Variants in ENOX1 observed in about 807,000 individuals in gnomAD.
The protein encoded by ENOX1 is candidate growth-related and time keeping constitutive hydroquinone (NADH) oxidase.
A neutral mutation model predicts 82.5 loss-of-function variants in ENOX1; 42 were observed. The observed-to-expected ratio is 0.51, with a 90% CI of 0.40 to 0.66. The LOEUF is 0.66. ENOX1 is among the 30% of genes least tolerant of loss of function. ENOX1 has a pLI of 0.00. For missense variants in ENOX1, 608 were observed against 811.6 expected (o/e 0.75, Z 3.05); for synonymous variants, 271 against 282.2 (o/e 0.96, Z 0.40).
intron 2 of ENOX1, among the ~76,000 whole-genome samples, chr13:43,662,466 T>A (rs2084782551): frequency 6.6e-6 from 1 of 152,216 alleles, no homozygotes; most frequent in East Asian, 1.9e-4. Flanking sequence ...GCTTTCTAAG[T>A]ATCTTCTTCC....
At chr13:43,474,766 G>A (rs920307660) in intron 3 of ENOX1, among the ~76,000 whole-genome samples, 8 of 151,936 alleles carry the variant, frequency 5.3e-5, no homozygotes, top group African/African-American at 1.9e-4. Flanking sequence ...AGCCATTGGT[G>A]GTCTAACTAT....
chr13:43,322,374 T>C lies in ENOX1; in HGVS notation c.1261+10A>G, dbSNP rs1222871240. On this transcript the variant is annotated intron_variant, in intron 11 of 16. Transcript: ENST00000690772. Reference sequence around the variant, plus strand: ...ATACCTCATGGGTCTGTGGCAGTTATCGGCATTACCTGATTCATCGACTCT... The same window carrying C: ...ATACCTCATGGGTCTGTGGCAGTTACCGGCATTACCTGATTCATCGACTCT... 1.2e-6 allele frequency: 2 copies of C among 1,605,946 alleles called. No individual in the cohort carries two copies. Among genetic ancestry groups the C allele is most frequent in the Non-Finnish European group, 1.7e-6 (2 of 1,172,878 alleles).
intron 5 of ENOX1, among the ~76,000 whole-genome samples, chr13:43,399,845 T>C (rs1419193990): frequency 1.3e-5 from 2 of 152,122 alleles, no homozygotes; most frequent in Admixed American, 1.3e-4. Flanking sequence ...ACTGCTGTAA[T>C]AGGCTAACGC....
chr13:43,446,577 T>G (rs978321244), intron 3 of ENOX1, among the ~76,000 whole-genome samples: 1 of 152,214 alleles, frequency 6.6e-6, no homozygotes, highest in Admixed American at 6.5e-5. Context: ...CTCTCCTAAC[T>G]GGCTACCTCT....
intron 2 of ENOX1, among the ~76,000 whole-genome samples, chr13:43,504,084 A>C (rs1042566833): frequency 6.6e-6 from 1 of 151,774 alleles, no homozygotes; most frequent in Non-Finnish European, 1.5e-5. Context: ...ATGAAAACAT[A>C]CTCAACAGTA....
intron 7 of ENOX1, 113 bp from the exon 8 acceptor site, chr13:43,356,265 C>T (rs767059099): frequency 2.8e-4 from 233 of 840,628 alleles, no homozygotes; most frequent in Admixed American, 1.9e-3. Flanking sequence ...GCTGTCACTA[C>T]GGATACATTT....
intron 2 of ENOX1, among the ~76,000 whole-genome samples, chr13:43,559,681 A>G (rs2079586155): frequency 6.6e-6 from 1 of 152,236 alleles, no homozygotes; most frequent in South Asian, 2.1e-4. Context: ...AAGATAAGAC[A>G]GTAGGAAAGG....
chr13:43,524,052 C>G (rs1311917719), intron 2 of ENOX1, among the ~76,000 whole-genome samples: 1 of 152,154 alleles, frequency 6.6e-6, no homozygotes, highest in Non-Finnish European at 1.5e-5. Context: ...TGCTTCCTTT[C>G]CATCCTCCAT....
At chr13:43,475,208 T>G (rs1413444903) in intron 3 of ENOX1, among the ~76,000 whole-genome samples, 1 of 152,160 alleles carries the variant, frequency 6.6e-6, no homozygotes, top group African/African-American at 2.4e-5. Context: ...ATACTGGGGA[T>G]ATCAGTACCA....
chr13:43,658,649 T>C (rs1315027650), intron 2 of ENOX1, among the ~76,000 whole-genome samples: 1 of 152,174 alleles, frequency 6.6e-6, no homozygotes, highest in Non-Finnish European at 1.5e-5. Context: ...ACACATTAGG[T>C]GTTTAATCAA....
intron 2 of ENOX1, among the ~76,000 whole-genome samples, chr13:43,656,519 C>G (rs2084439397): frequency 6.6e-6 from 1 of 152,184 alleles, no homozygotes; most frequent in South Asian, 2.1e-4. Context: ...CTGAGCCTCT[C>G]AGAAGATGAA....
At chr13:43,403,839 CA>C (rs59860320) in intron 5 of ENOX1, among the ~76,000 whole-genome samples, 1,787 of 143,196 alleles carry the variant, frequency 0.012, 32 homozygotes, top group African/African-American at 0.042. Context: ...AATCTTGTCT[CA>C]AAAAAAAAAA....
chr13:43,713,564 G>A (rs904521262), intron 1 of ENOX1, among the ~76,000 whole-genome samples: 33 of 152,144 alleles, frequency 2.2e-4, no homozygotes, highest in Non-Finnish European at 4.3e-4. Context: ...TGGTTGGCAA[G>A]CTATTGATTA....
chr13:43,691,803 C>T (rs1437880253), intron 1 of ENOX1, among the ~76,000 whole-genome samples: 7 of 151,578 alleles, frequency 4.6e-5, no homozygotes, highest in African/African-American at 1.7e-4. Context: ...CAGGTTCAAG[C>T]GATTCTCCTG....
chr13:43,639,226 C>T (rs552509205), intron 2 of ENOX1, among the ~76,000 whole-genome samples: 4 of 152,228 alleles, frequency 2.6e-5, no homozygotes, highest in Non-Finnish European at 5.9e-5. Flanking sequence ...TGCTTGAACC[C>T]GGGAGGCGGA....
chr13:43,411,863 C>T, intron 5 of ENOX1, 53 bp downstream of exon 5: 1 of 1,606,738 alleles, frequency 6.2e-7, no homozygotes, highest in Non-Finnish European at 8.5e-7. Context: ...GCACCTGTCA[C>T]CTACACCCTT....
intron 2 of ENOX1, among the ~76,000 whole-genome samples, chr13:43,588,176 C>T (rs2081079626): frequency 6.6e-6 from 1 of 152,146 alleles, no homozygotes. Flanking sequence ...TTCATTTTCT[C>T]ATATTGACCT....
At chr13:43,757,056 T>C (rs916846345) in intron 1 of ENOX1, among the ~76,000 whole-genome samples, 1 of 151,852 alleles carries the variant, frequency 6.6e-6, no homozygotes, top group Non-Finnish European at 1.5e-5. Flanking sequence ...ACATATAATA[T>C]TGATTTTCAA....
At position 43,621,621 on chromosome 13, in the gene ENOX1, G is replaced by T. The variant is rs148922952; in HGVS notation, c.-219+45858C>A. On this transcript the variant is annotated intron_variant, in intron 2 of 16. Transcript: ENST00000690772. ...TTGTAAGGTTTCTGCTGAGAAATCT[G>T]CTGTTAATCTGATAGGTTTTCCTTT... Among the ~76,000 whole-genome samples the T allele has an allele frequency of 2.8e-3, 429 of 152,298 alleles. 1 individual carries two copies. Among genetic ancestry groups the T allele is most frequent in the Middle Eastern group, 0.017 (5 of 294 alleles).
Sources: allele counts gnomAD v4.1 joint callset (sites outside exome capture counted in the v4.1 genomes callset), GRCh38; gene constraint gnomAD v4.1.1; transcripts MANE v1.5; gene names NCBI Gene and HGNC (gene_info 2026-07-23, HGNC 2026-07-21).